XPNPEP3: variants seen among roughly 807,000 people sequenced by gnomAD.
XPNPEP3 encodes X-prolyl aminopeptidase 3.
Under a neutral mutation model 60.0 loss-of-function variants are expected in XPNPEP3, and 41 were observed. That is an observed-to-expected ratio of 0.68 (90% CI 0.53 to 0.89). XPNPEP3 has a LOEUF of 0.89. Among genes scored for constraint, XPNPEP3 ranks in the 40% least tolerant of loss-of-function variants. XPNPEP3 has a pLI of 0.00. For synonymous variants in XPNPEP3, 212 were observed against 223.2 expected (o/e 0.95, Z 0.45); for missense variants, 598 against 638.9 (o/e 0.94, Z 0.69).
chr22:40,903,434 C>T (rs1255719099), intron 4 of XPNPEP3, among the ~76,000 whole-genome samples: 1 of 151,856 alleles, frequency 6.6e-6, no homozygotes, highest in Non-Finnish European at 1.5e-5. Context: ...CCAGCAAAGA[C>T]TACTTAATAC....
At chr22:40,901,122 A>C (rs1330537812) in intron 4 of XPNPEP3, among the ~76,000 whole-genome samples, 1 of 152,052 alleles carries the variant, frequency 6.6e-6, no homozygotes, top group Non-Finnish European at 1.5e-5. Context: ...AAAATAAAAA[A>C]CTTTAAAAAA....
chr22:40,862,182 A>G (rs1601486761), intron 1 of XPNPEP3: 2 of 1,400,340 alleles, frequency 1.4e-6, no homozygotes, highest in East Asian at 2.8e-5. Flanking sequence ...AGTTACAAAT[A>G]TGTCAGAGAG....
chr22:40,861,328 G>GA lies in XPNPEP3; in HGVS notation c.64+4089dup, dbSNP rs760195427. 15 of 1,613,898 alleles carry GA rather than the reference G, an allele frequency of 9.3e-6. No homozygotes were observed. In the East Asian group the frequency reaches 2.9e-4, roughly 31 times the overall value. On this transcript the variant is annotated intron_variant, in intron 1 of 9. Coordinates refer to ENST00000357137, the MANE Select transcript of XPNPEP3 (RefSeq NM_022098.4). ...TCTTCATTGGCCACACTATTTACAA[G>GA]AAAAAATGTCAACTCTCCATTATCT...
chr22:40,902,483 C>T (rs1909830070), intron 4 of XPNPEP3, among the ~76,000 whole-genome samples: 2 of 152,102 alleles, frequency 1.3e-5, no homozygotes, highest in Admixed American at 6.6e-5. Context: ...ATCTCCTGAC[C>T]TCGTGATCCG....
At chr22:40,857,824 C>T (rs954017759) in intron 1 of XPNPEP3, among the ~76,000 whole-genome samples, 5 of 152,206 alleles carry the variant, frequency 3.3e-5, no homozygotes, top group African/African-American at 1.2e-4. Flanking sequence ...GAATCACCTT[C>T]CTTGCAGGCG....
At chr22:40,859,871 T>G (rs1007262838) in intron 1 of XPNPEP3, 1 of 152,224 alleles carries the variant, frequency 6.6e-6, no homozygotes, top group Non-Finnish European at 1.5e-5. Context: ...TAAATTAAAA[T>G]GGCTATAGGT....
intron 3 of XPNPEP3, among the ~76,000 whole-genome samples, chr22:40,882,764 AG>A (rs1312791911): frequency 6.6e-6 from 1 of 152,210 alleles, no homozygotes; most frequent in African/African-American, 2.4e-5. Context: ...ATAAAATGAA[AG>A]TATATAATTT....
In XPNPEP3 at chr22:40,868,869, A is replaced by T. The variant is rs2057992001; in HGVS notation, c.65-130A>T. On this transcript the variant is annotated intron_variant, in intron 1 of 9. Transcript: ENST00000357137. ...TTAAAAAAAAAATAAATGAATATTG[A>T]AGGAGAGAAGGAAGGAAATATTAGT... 5 of 755,184 alleles carry T rather than the reference A, an allele frequency of 6.6e-6. No homozygotes were observed. The East Asian group carries it at 1.3e-4, about 20-fold the overall frequency. The allele number at this position is 755,184 out of a possible 1,614,324, so 46.8% of individuals were successfully genotyped here. A position where few individuals can be genotyped will look rare whatever the true frequency, so the allele number is the denominator to read the frequency against.
intron 7 of XPNPEP3, among the ~76,000 whole-genome samples, chr22:40,921,880 C>CTTAA (rs1414297467): frequency 6.6e-6 from 1 of 151,956 alleles, no homozygotes; most frequent in Non-Finnish European, 1.5e-5. Flanking sequence ...TCTAAAGACA[C>CTTAA]TTAAGTGCTA....
At chr22:40,882,613 G>T (rs972053340) in intron 3 of XPNPEP3, among the ~76,000 whole-genome samples, 2 of 151,502 alleles carry the variant, frequency 1.3e-5, no homozygotes, top group East Asian at 1.9e-4. Context: ...TTCCAGCCTA[G>T]GCAACAAAGC....
intron 4 of XPNPEP3, among the ~76,000 whole-genome samples, chr22:40,897,374 T>G (rs1279042671): frequency 1.3e-5 from 2 of 152,152 alleles, no homozygotes; most frequent in African/African-American, 4.8e-5. Context: ...TGTTTCCATC[T>G]TTTGGGCTAT....
In XPNPEP3 at chr22:40,869,037, C is replaced by T; in HGVS notation, c.103C>T (p.Pro35Ser). 1 of 1,614,094 alleles carries T rather than the reference C, an allele frequency of 6.2e-7. No homozygotes were observed. Among genetic ancestry groups the T allele is most frequent in the Non-Finnish European group, 8.5e-7 (1 of 1,179,958 alleles). Residue 35 changes from proline to serine, a missense_variant, in exon 2 of 10, where the codon CCT becomes TCT. Pro to Ser is a moderately conservative substitution (Grantham distance 74). Coordinates refer to ENST00000357137, the MANE Select transcript of XPNPEP3 (RefSeq NM_022098.4). ...TTCACAGCGAAGGTACTCCCTTCAG[C>T]CTGTCCCAGAAAGGAGGATTCCAAA... is the stretch of plus-strand genomic sequence containing the variant. ...LCSQRRYSLQ[P>S]VPERRIPNRY...
chr22:40,892,335 C>A (rs528483969), intron 4 of XPNPEP3, among the ~76,000 whole-genome samples: 3 of 152,272 alleles, frequency 2.0e-5, no homozygotes, highest in Admixed American at 1.3e-4. Context: ...CAGGCGTGCA[C>A]TACCAGGCCC....
At chr22:40,865,121 C>T (rs1400428156) in intron 1 of XPNPEP3, among the ~76,000 whole-genome samples, 1 of 152,168 alleles carries the variant, frequency 6.6e-6, no homozygotes, top group Non-Finnish European at 1.5e-5. Flanking sequence ...TGCCTCTTCA[C>T]AACAAAACTT....
rs1035455524 is a variant in XPNPEP3, at chr22:40,927,167, G to C, written c.*732G>C. 3.3e-5 allele frequency: 5 copies of C among 153,186 alleles called. No individual in the cohort carries two copies. The highest frequency in any genetic ancestry group is 1.2e-4 in the African/African-American group (5 of 41,444). 9.5% of individuals were successfully genotyped at this position (153,186 alleles called of 1,614,324 possible). On this transcript the variant is annotated 3_prime_UTR_variant, in exon 10 of 10. Transcript: ENST00000357137. ...ATGGAAGAGAAAGAAAATTATATAT[G>C]TATATACTAAAGATCCAGACATCAG...
chr22:40,865,796 A>G (rs1390834117), intron 1 of XPNPEP3, among the ~76,000 whole-genome samples: 2 of 152,092 alleles, frequency 1.3e-5, no homozygotes, highest in African/African-American at 4.8e-5. Flanking sequence ...CGGCCTCCCA[A>G]AGTGCTGGGA....
chr22:40,913,462 G>A (rs2146273872), intron 6 of XPNPEP3, among the ~76,000 whole-genome samples: 1 of 151,368 alleles, frequency 6.6e-6, no homozygotes, highest in East Asian at 1.9e-4. Flanking sequence ...AAAGAGGGAA[G>A]TGATATTCCA....
intron 7 of XPNPEP3, among the ~76,000 whole-genome samples, chr22:40,922,080 C>T (rs1406896521): frequency 6.6e-6 from 1 of 151,994 alleles, no homozygotes; most frequent in African/African-American, 2.4e-5. Context: ...TCTTTTGGCC[C>T]TACTTCATGT....
chr22:40,894,045 G>T (rs1262473816), intron 4 of XPNPEP3, among the ~76,000 whole-genome samples: 1 of 152,162 alleles, frequency 6.6e-6, no homozygotes, highest in Non-Finnish European at 1.5e-5. Flanking sequence ...TGGTGATGAT[G>T]CCAGTAGTCC....
Sources: gnomAD v4.1 joint callset for allele counts (sites outside exome capture counted in the v4.1 genomes callset) on GRCh38, gnomAD v4.1.1 for gene constraint, MANE v1.5 for transcripts, NCBI Gene and HGNC (gene_info 2026-07-23, HGNC 2026-07-21) for gene names.